The following MACF1 variants were observed in gnomAD, a reference collection of about 807,000 sequenced individuals.
MACF1 encodes microtubule-actin cross-linking factor 1.
MACF1 carries 193 observed loss-of-function variants against 854.8 expected under a neutral mutation model. The observed-to-expected ratio is 0.23, with a 90% CI of 0.20 to 0.25. MACF1 has a LOEUF of 0.25. MACF1 is among the 10% of genes least tolerant of loss of function. The pLI, the probability that MACF1 is intolerant of heterozygous loss-of-function variation, is 1.00. For missense variants in MACF1, 7,722 were observed against 8,929.1 expected (o/e 0.86, Z 5.45); for synonymous variants, 3,185 against 3,226.7 (o/e 0.99, Z 0.44).
At chr1:39,187,538 A>G (rs968516928) in intron 2 of MACF1, among the ~76,000 whole-genome samples, 1 of 152,044 alleles carries the variant, frequency 6.6e-6, no homozygotes, top group Non-Finnish European at 1.5e-5. Flanking sequence ...GTATTTCATG[A>G]TGTACTCCAT....
chr1:39,450,673 G>T (rs1055558474), intron 84 of MACF1, among the ~76,000 whole-genome samples: 1 of 141,558 alleles, frequency 7.1e-6, no homozygotes, highest in African/African-American at 2.6e-5. Context: ...GTGCAGTGGT[G>T]CAATCTCGGC....
At chr1:39,231,032 C>G (rs1387532885) in intron 1 of MACF1, 150 bp from the exon 2 acceptor site, 1 of 688,804 alleles carries the variant, frequency 1.5e-6, no homozygotes. Context: ...GGAAGTTCAG[C>G]TAGGCCAAAC....
intron 2 of MACF1, among the ~76,000 whole-genome samples, chr1:39,139,685 C>T (rs971364698): frequency 6.6e-6 from 1 of 152,058 alleles, no homozygotes; most frequent in African/African-American, 2.4e-5. Flanking sequence ...TCAAATGTTA[C>T]TTTTTGTGGA....
chr1:39,359,663 T>C (rs1647893254), intron 47 of MACF1, among the ~76,000 whole-genome samples: 1 of 152,012 alleles, frequency 6.6e-6, no homozygotes, highest in African/African-American at 2.4e-5. Context: ...ATGGTGACTA[T>C]AGTTAATAAC....
At chr1:39,402,974 A>G (rs925007815) in intron 58 of MACF1, among the ~76,000 whole-genome samples, 1 of 150,292 alleles carries the variant, frequency 6.7e-6, no homozygotes. Flanking sequence ...TCTGCACTCA[A>G]CCTCTGAGAT....
At chr1:39,136,356 C>T (rs1343632496) in intron 2 of MACF1, among the ~76,000 whole-genome samples, 1 of 152,206 alleles carries the variant, frequency 6.6e-6, no homozygotes, top group African/African-American at 2.4e-5. Context: ...AGCCTAGCTT[C>T]TGTGTCCTGT....
rs530941192 is a variant in MACF1 at position 39,174,311 on chromosome 1, A to G, written c.221-56871A>G. Among the ~76,000 whole-genome samples the G allele has an allele frequency of 2.4e-4, 36 of 152,310 alleles. 1 individual carries two copies. Among genetic ancestry groups the G allele is most frequent in the African/African-American group, 7.9e-4 (33 of 41,562 alleles). Reference sequence around the variant, plus strand: ...TAGTAGACCATTTTCATAGGGTTATAATGAGAATTGAATGAGTTAATATGT... The same window carrying G: ...TAGTAGACCATTTTCATAGGGTTATGATGAGAATTGAATGAGTTAATATGT... On this transcript the variant is annotated intron_variant, in intron 2 of 93. Coordinates refer to the MACF1 transcript ENST00000361689.
chr1:39,264,966 G>T (rs538167352), intron 6 of MACF1, among the ~76,000 whole-genome samples: 2 of 152,300 alleles, frequency 1.3e-5, no homozygotes, highest in South Asian at 4.1e-4. Context: ...GAGCCACCGC[G>T]CCCGGCCAGG....
chr1:39,300,482 A>G, intron 22 of MACF1, 120 bp downstream of exon 22: 4 of 1,100,136 alleles, frequency 3.6e-6, no homozygotes, highest in Non-Finnish European at 5.0e-6. Flanking sequence ...TAGAATTTAA[A>G]CATGCTGAAG....
chr1:39,385,842 C>T lies in MACF1; in HGVS notation c.14257C>T (p.Leu4753Phe). The T allele has an allele frequency of 6.2e-7, 1 of 1,614,158 alleles. No individual in the cohort carries two copies. The highest frequency in any genetic ancestry group is 1.3e-5 in the African/African-American group (1 of 75,050). ...AQTLCDELSV[L>F]IGEQYLKDEL... is the part of the protein sequence containing the mutation. ...GACACTGTGCGATGAACTCTCAGTG[C>T]TCATTGGTGAGCAGTACCTCAAGGA... The change falls in exon 57 of 101, where the codon CTC becomes TTC. Residue 4753 changes from leucine to phenylalanine, a missense_variant. Around this residue, in one of 15 missense-constraint regions of MACF1, gnomAD observed 2,807 missense variants for 3,235.8 expected, o/e 0.87. Coordinates refer to ENST00000564288, the MANE Select transcript of MACF1 (RefSeq NM_001394062.1).
rs961549975 is a variant in MACF1, at chr1:39,436,109, C to CT, written c.17988+354dup. On this transcript the variant is annotated intron_variant, in intron 70 of 100. Transcript: ENST00000564288. ...AAAAAAGTACTTATTGAACCTGTTA[C>CT]TTTTTTGCTTTAGAGCAACAGCACA... The CT allele has an allele frequency of 2.8e-5, 11 of 394,736 alleles. No homozygotes were observed. In the East Asian group the frequency reaches 4.9e-4, roughly 18 times the overall value. 24.5% of individuals were successfully genotyped at this position (394,736 alleles called of 1,614,324 possible).
chr1:39,112,923 C>T (rs937215818), intron 2 of MACF1, among the ~76,000 whole-genome samples: 1 of 151,912 alleles, frequency 6.6e-6, no homozygotes, highest in African/African-American at 2.4e-5. Flanking sequence ...TTTGAGGCTA[C>T]AGTGAGCTAT....
chr1:39,085,584 AT>A (rs1386039214), intron 2 of MACF1, among the ~76,000 whole-genome samples: 1 of 152,104 alleles, frequency 6.6e-6, no homozygotes, highest in East Asian at 1.9e-4. Flanking sequence ...CTAATAGAGT[AT>A]TTTTTTCTAA....
intron 2 of MACF1, among the ~76,000 whole-genome samples, chr1:39,101,225 C>G (rs922683533): frequency 1.1e-4 from 16 of 151,676 alleles, no homozygotes; most frequent in Non-Finnish European, 2.4e-4. Flanking sequence ...GGCATGGTGG[C>G]AGGCGCCTGT....
chr1:39,196,841 G>A (rs1644326135), intron 2 of MACF1, among the ~76,000 whole-genome samples: 1 of 152,172 alleles, frequency 6.6e-6, no homozygotes, highest in African/African-American at 2.4e-5. Context: ...CTGGGGTGTT[G>A]CCTTGTGTTG....
rs987793439 is a variant in MACF1, at chr1:39,242,169, G to A, written c.172-7845G>A. Among the ~76,000 whole-genome samples, 12 of 152,130 alleles carry A rather than the reference G, an allele frequency of 7.9e-5. No homozygotes were observed. The South Asian group carries it at 1.5e-3, about 18-fold the overall frequency. Reference sequence around the variant, plus strand: ...TCAAGACCAGCCTGGCCAACATGGCGAAACCTTGTCTCTATTAAAAATACA... The same window carrying A: ...TCAAGACCAGCCTGGCCAACATGGCAAAACCTTGTCTCTATTAAAAATACA... On this transcript the variant is annotated intron_variant, in intron 2 of 100. Transcript: ENST00000564288.
chr1:39,426,812 CA>C (rs1643744841), intron 61 of MACF1, among the ~76,000 whole-genome samples: 2 of 151,732 alleles, frequency 1.3e-5, no homozygotes, highest in African/African-American at 4.8e-5. Context: ...CAAATTCAGC[CA>C]GCGTGAGGTT....
chr1:39,440,312 C>T (rs1644085222), intron 72 of MACF1, among the ~76,000 whole-genome samples: 1 of 151,064 alleles, frequency 6.6e-6, no homozygotes, highest in South Asian at 2.1e-4. Flanking sequence ...CACCATGTTG[C>T]CCAGGCTTGT....
intron 15 of MACF1, among the ~76,000 whole-genome samples, chr1:39,288,575 G>A (rs956636093): frequency 4.0e-5 from 6 of 151,876 alleles, no homozygotes; most frequent in Admixed American, 6.6e-5. Flanking sequence ...CGAGGTGGGC[G>A]GATTGTGTGA....
Sources: gnomAD v4.1 joint callset for allele counts (sites outside exome capture counted in the v4.1 genomes callset) on GRCh38, gnomAD v4.1.1 for gene constraint, gnomAD v4.1.1 regional missense constraint, MANE v1.5 for transcripts, NCBI Gene and HGNC (gene_info 2026-07-23, HGNC 2026-07-21) for gene names.